The following SAMHD1 variants were observed in gnomAD, a reference collection of about 807,000 sequenced individuals.
SAMHD1 encodes the protein SAM and HD domain containing deoxynucleoside triphosphate triphosphohydrolase 1, also known as deoxynucleoside triphosphate triphosphohydrolase SAMHD1.
A neutral mutation model predicts 79.6 loss-of-function variants in SAMHD1; 54 were observed. That is an observed-to-expected ratio of 0.68 (90% confidence interval 0.55 to 0.85). The LOEUF is 0.85. SAMHD1 is among the 40% of genes least tolerant of loss of function. The pLI, the probability that SAMHD1 is intolerant of heterozygous loss-of-function variation, is 0.00. For synonymous variants in SAMHD1, 260 were observed against 264.1 expected (o/e 0.98, Z 0.15); for missense variants, 663 against 782.7 (o/e 0.85, Z 1.82).
chr20:36,893,425 G>T (rs564415441), intron 15 of SAMHD1: 1 of 351,372 alleles, frequency 2.8e-6, no homozygotes, highest in South Asian at 3.4e-5. Flanking sequence ...CTTCTCTCTC[G>T]CCTGGTCCCC....
intron 15 of SAMHD1, among the ~76,000 whole-genome samples, chr20:36,896,455 G>A (rs1453263433): frequency 6.6e-6 from 1 of 152,062 alleles, no homozygotes; most frequent in Non-Finnish European, 1.5e-5. Context: ...CCTCCCCACT[G>A]TACAGAGAAA....
chr20:36,894,497 T>C (rs780197931), intron 15 of SAMHD1, among the ~76,000 whole-genome samples: 5 of 150,154 alleles, frequency 3.3e-5, no homozygotes, highest in Non-Finnish European at 6.0e-5. Context: ...CCAGGCGTGG[T>C]GGTTCATGCC....
intron 13 of SAMHD1, among the ~76,000 whole-genome samples, chr20:36,899,424 C>T (rs971329982): frequency 2.0e-5 from 3 of 151,920 alleles, no homozygotes; most frequent in Admixed American, 6.6e-5. Context: ...CAAGACTCTG[C>T]CTCCAAAAAT....
At chr20:36,942,891 C>T (rs2146146610) in intron 2 of SAMHD1, among the ~76,000 whole-genome samples, 2 of 152,208 alleles carry the variant, frequency 1.3e-5, no homozygotes, top group East Asian at 1.9e-4. Flanking sequence ...CTCCTGACCT[C>T]GTGATCCGCC....
At chr20:36,906,948 C>T (rs1455228706) in intron 11 of SAMHD1, among the ~76,000 whole-genome samples, 1 of 151,508 alleles carries the variant, frequency 6.6e-6, no homozygotes, top group African/African-American at 2.4e-5. Context: ...CATGCCACCA[C>T]ACCCAGCTAA....
intron 2 of SAMHD1, among the ~76,000 whole-genome samples, chr20:36,941,479 C>A (rs2063643829): frequency 6.6e-6 from 1 of 152,124 alleles, no homozygotes; most frequent in African/African-American, 2.4e-5. Context: ...TTTATGAGCA[C>A]CAGGTATGAC....
In SAMHD1 at chr20:36,914,399, G is replaced by T. The variant is rs758533984; in HGVS notation, c.1063-1847C>A. On this transcript the variant is annotated intron_variant, in intron 9 of 15. Transcript: ENST00000646673. ...GGAGCCTTGCTCTGCCGCCCAGGCTGGAGTGCAGTGGCGCAATCTCGGCTT... is the reference window on the plus strand; with the variant it reads ...GGAGCCTTGCTCTGCCGCCCAGGCTTGAGTGCAGTGGCGCAATCTCGGCTT... 2.6e-5 allele frequency among the ~76,000 whole-genome samples: 4 copies of T among 151,510 alleles called. 1 individual carries two copies. The highest frequency in any genetic ancestry group is 4.4e-5 in the Non-Finnish European group (3 of 67,942).
chr20:36,915,975 C>T (rs1429203323), intron 9 of SAMHD1, among the ~76,000 whole-genome samples: 2 of 151,950 alleles, frequency 1.3e-5, no homozygotes, highest in Admixed American at 6.6e-5. Context: ...CTGGCTAACA[C>T]GGTGAAACCC....
At chr20:36,904,014 A>G in intron 13 of SAMHD1, 143 bp downstream of exon 13, 1 of 644,706 alleles carries the variant, frequency 1.6e-6, no homozygotes, top group East Asian at 2.8e-5. Context: ...TTTGTGGTTA[A>G]TAATATTGGT....
At chr20:36,904,825 T>C in intron 12 of SAMHD1, 1 of 177,146 alleles carries the variant, frequency 5.6e-6, no homozygotes, top group Admixed American at 5.4e-5. Context: ...ATTATTGAGG[T>C]AGGATGTGGT....
At chr20:36,922,811 C>T (rs1245201861) in intron 6 of SAMHD1, among the ~76,000 whole-genome samples, 2 of 151,736 alleles carry the variant, frequency 1.3e-5, no homozygotes, top group African/African-American at 4.8e-5. Flanking sequence ...CCATGCCTGG[C>T]TAATTTTTAA....
rs866067422 is a variant in SAMHD1 at position 36,949,449 on chromosome 20, T to C, written c.208+1987A>G. Among the ~76,000 whole-genome samples, 73 of 130,090 alleles carry C rather than the reference T, an allele frequency of 5.6e-4. No homozygotes were observed. The South Asian group carries it at 0.011, about 19-fold the overall frequency. The allele number at this position is 130,090 out of a possible 152,430, so 85.3% of individuals were successfully genotyped here. On this transcript the variant is annotated intron_variant, in intron 1 of 15. Transcript: ENST00000646673. ...CTGGCCAACATGGCAAAACCCTGTC[T>C]CTAATTAAAAAAAAAAAAAAAATGA...
chr20:36,913,120 C>T (rs1169790050), intron 9 of SAMHD1, among the ~76,000 whole-genome samples: 4 of 150,058 alleles, frequency 2.7e-5, no homozygotes, highest in Non-Finnish European at 5.9e-5. Context: ...CCTCAGTCTC[C>T]CGAGTGGCTG....
intron 2 of SAMHD1, among the ~76,000 whole-genome samples, chr20:36,945,005 CTATG>C (rs201151309): frequency 6.6e-6 from 1 of 152,020 alleles, no homozygotes; most frequent in Non-Finnish European, 1.5e-5. Context: ...ATCTATGTAA[CTATG>C]TATGTATGTA....
In SAMHD1 at chr20:36,932,454, G is replaced by GT. The variant is rs752535431; in HGVS notation, c.510-1580dup. Among the ~76,000 whole-genome samples, 531 of 93,310 alleles carry GT rather than the reference G, an allele frequency of 5.7e-3. 15 individuals are homozygous for GT. Among genetic ancestry groups the GT allele is most frequent in the South Asian group, 0.012 (32 of 2,662 alleles). The allele number at this position is 93,310 out of a possible 152,430, so 61.2% of individuals were successfully genotyped here. A position where few individuals can be genotyped will look rare whatever the true frequency, so the allele number is the denominator to read the frequency against. ...TTGTTTAATACGTATACAGTTTCGTGTTTTTTTTTTTTTTTTTTTGAGATG... is the reference window on the plus strand; with the variant it reads ...TTGTTTAATACGTATACAGTTTCGTGTTTTTTTTTTTTTTTTTTTTGAGATG... On this transcript the variant is annotated intron_variant, in intron 4 of 15. Coordinates refer to ENST00000646673, the MANE Select transcript of SAMHD1 (RefSeq NM_015474.4).
chr20:36,941,195 A>G (rs1380343238), intron 2 of SAMHD1, 84 bp from the exon 3 acceptor site: 1 of 897,954 alleles, frequency 1.1e-6, no homozygotes, highest in African/African-American at 1.7e-5. Flanking sequence ...AATAAACTTT[A>G]TATTATCTAC....
chr20:36,902,523 C>G (rs188688639), intron 13 of SAMHD1, among the ~76,000 whole-genome samples: 46 of 152,144 alleles, frequency 3.0e-4, no homozygotes, highest in Non-Finnish European at 5.4e-4. Context: ...ACTAAGCCTG[C>G]CAGAAGGCCC....
chr20:36,919,377 AC>A lies in SAMHD1; in HGVS notation c.838del (p.Val280SerfsTer21). On this transcript the variant is annotated frameshift_variant, in exon 7 of 16. Transcript: ENST00000646673. LOFTEE classifies it high-confidence loss of function. ...EQIVGPLESPVEDSLWPYKGR... is the reference protein window; with the variant it reads ...EQIVGPLESPXEDSLWPYKGR... ...ACATAAACTTACCAATGAATCTTCG[AC>A]AGGTGATTCAAGTGGTCCTACAATT... The A allele has an allele frequency of 1.2e-6, 2 of 1,613,580 alleles. No homozygotes were observed. Among genetic ancestry groups the A allele is most frequent in the South Asian group, 2.2e-5 (2 of 91,056 alleles).
intron 9 of SAMHD1, chr20:36,916,423 G>GGATCACTT (rs2146116460): frequency 2.9e-6 from 1 of 342,140 alleles, no homozygotes; most frequent in South Asian, 2.6e-5. Context: ...CTTGAGCTCA[G>GGATCACTT]GAGTTCAAGA....
Sources: allele counts gnomAD v4.1 joint callset (sites outside exome capture counted in the v4.1 genomes callset), GRCh38; gene constraint gnomAD v4.1.1; transcripts MANE v1.5; gene names NCBI Gene and HGNC (gene_info 2026-07-23, HGNC 2026-07-21).